TRAM1: variants seen among roughly 807,000 people sequenced by gnomAD.
The protein encoded by TRAM1 is translocating chain-associated membrane protein 1.
In TRAM1, 17 loss-of-function variants were observed where a neutral mutation model predicts 48.7. The observed-to-expected ratio is 0.35, with a 90% CI of 0.24 to 0.52. The LOEUF (loss-of-function observed/expected upper bound fraction) is 0.52. Ranked by LOEUF, TRAM1 falls within the 20% of genes least tolerant of loss-of-function variation. The probability of loss-of-function intolerance (pLI) is 0.94; values close to 1 mark genes in which losing one functional copy is unlikely to be tolerated. For missense variants in TRAM1, 351 were observed against 441.5 expected (o/e 0.79, Z 1.84); for synonymous variants, 182 against 154.0 (o/e 1.18, Z -1.34).
chr8:70,595,034 C>G (rs546773820), intron 5 of TRAM1, among the ~76,000 whole-genome samples: 16 of 94,152 alleles, frequency 1.7e-4, no homozygotes, highest in Non-Finnish European at 3.0e-4. Flanking sequence ...TTCAAATATC[C>G]TCTGTTTTTT....
chr8:70,575,193 A>G (rs1389956893), intron 10 of TRAM1, among the ~76,000 whole-genome samples, 188 bp from the exon 11 acceptor site: 1 of 152,238 alleles, frequency 6.6e-6, no homozygotes, highest in Non-Finnish European at 1.5e-5. Flanking sequence ...AAAGTAGCAA[A>G]TTAAAAGAAA....
At chr8:70,595,322 A>T (rs1264771873) in intron 5 of TRAM1, among the ~76,000 whole-genome samples, 1 of 149,828 alleles carries the variant, frequency 6.7e-6, no homozygotes, top group Non-Finnish European at 1.5e-5. Context: ...CGGGGTGGAG[A>T]GAATACAGTC....
At chr8:70,590,138 A>C (rs1817319498) in intron 6 of TRAM1, among the ~76,000 whole-genome samples, 2 of 105,962 alleles carry the variant, frequency 1.9e-5, no homozygotes, top group South Asian at 4.9e-4. Context: ...GGGTAAGGCA[A>C]TGTAAAAAAA....
In TRAM1 at chr8:70,573,329, GA is replaced by G. The variant is rs1816859562; in HGVS notation, c.*1602del. ...CTGTTTATTTGCAGAACACAATTTT[GA>G]AAAGGGTTATTCTGAATGTCTATGA... On this transcript the variant is annotated 3_prime_UTR_variant, in exon 11 of 11. Transcript: ENST00000262213. 1.3e-5 allele frequency: 2 copies of G among 152,324 alleles called. No individual in the cohort carries two copies. Among genetic ancestry groups the G allele is most frequent in the African/African-American group, 4.8e-5 (2 of 41,420 alleles). 9.4% of individuals were successfully genotyped at this position (152,324 alleles called of 1,614,324 possible).
intron 6 of TRAM1, among the ~76,000 whole-genome samples, chr8:70,593,202 C>T (rs1468187734): frequency 1.3e-5 from 2 of 152,082 alleles, no homozygotes; most frequent in Admixed American, 1.3e-4. Context: ...GTGCTGTTTT[C>T]TAATCCTAGC....
At chr8:70,578,738 C>T (rs1817013486) in intron 10 of TRAM1, among the ~76,000 whole-genome samples, 1 of 152,234 alleles carries the variant, frequency 6.6e-6, no homozygotes, top group South Asian at 2.1e-4. Flanking sequence ...CTGCCCAACA[C>T]TTTCTTTACA....
intron 6 of TRAM1, among the ~76,000 whole-genome samples, chr8:70,591,146 T>C (rs529801248): frequency 3.3e-5 from 5 of 152,232 alleles, no homozygotes; most frequent in African/African-American, 1.2e-4. Flanking sequence ...ATGAGTTTTA[T>C]TTTATTTTTA....
chr8:70,600,789 CT>C (rs1817592152), intron 1 of TRAM1, among the ~76,000 whole-genome samples: 1 of 151,344 alleles, frequency 6.6e-6, no homozygotes, highest in South Asian at 2.1e-4. Flanking sequence ...AAACAATGAG[CT>C]TTGTTGGTTT....
At chr8:70,602,937 A>C (rs990534521) in intron 1 of TRAM1, among the ~76,000 whole-genome samples, 1 of 152,188 alleles carries the variant, frequency 6.6e-6, no homozygotes, top group Non-Finnish European at 1.5e-5. Context: ...GGAGGTGAAC[A>C]AAACGTAGGT....
chr8:70,603,712 A>G (rs1817659671), intron 1 of TRAM1, among the ~76,000 whole-genome samples: 1 of 152,184 alleles, frequency 6.6e-6, no homozygotes, highest in Non-Finnish European at 1.5e-5. Flanking sequence ...GTGAGGCTCC[A>G]TCTCAAAAAG....
chr8:70,591,470 G>C (rs1004180882), intron 6 of TRAM1, among the ~76,000 whole-genome samples: 31 of 152,230 alleles, frequency 2.0e-4, no homozygotes, highest in African/African-American at 7.5e-4. Flanking sequence ...ACATTTACAT[G>C]GGTTGTGGGG....
At chr8:70,583,622 A>C in intron 9 of TRAM1, 28 bp downstream of exon 9, 1 of 1,602,394 alleles carries the variant, frequency 6.2e-7, no homozygotes, top group Non-Finnish European at 8.5e-7. Context: ...AGCTGTATAA[A>C]GTGAAAAAAA....
intron 10 of TRAM1, among the ~76,000 whole-genome samples, chr8:70,580,847 T>C (rs1817060200): frequency 2.0e-5 from 3 of 151,744 alleles, no homozygotes; most frequent in South Asian, 4.2e-4. Flanking sequence ...ACAATGGCAA[T>C]GAAGAATCTG....
At chr8:70,588,926 C>A (rs985142014) in intron 6 of TRAM1, among the ~76,000 whole-genome samples, 1 of 152,234 alleles carries the variant, frequency 6.6e-6, no homozygotes, top group African/African-American at 2.4e-5. Context: ...TTGCTGCTGG[C>A]AGGCTGAACT....
Position 70,598,026 on chromosome 8 carries a change from A to G in TRAM1, c.310-15T>C, listed in dbSNP as rs749862023. The stretch of plus-strand genomic sequence containing the variant: ...CTGTTAATTTTCTAAAAATAAAAAC[A>G]GCCATTAGTAATTAAGAATAAATTA... On this transcript the variant is annotated splice_polypyrimidine_tract_variant and intron_variant, in intron 3 of 10. Transcript: ENST00000262213. The G allele has an allele frequency of 1.3e-6, 2 of 1,556,940 alleles. No individual in the cohort carries two copies. Among genetic ancestry groups the G allele is most frequent in the Non-Finnish European group, 8.7e-7 (1 of 1,148,530 alleles).
In TRAM1 at chr8:70,608,132, T is replaced by C; in HGVS notation, c.68A>G (p.His23Arg). The C allele has an allele frequency of 6.3e-7, 1 of 1,599,890 alleles. No individual in the cohort carries two copies. The part of the protein sequence containing the change: ...VLSHEFVLQN[H>R]ADIVSCVAMV... ...CGCCACACAGGAGACGATGTCCGCG[T>C]GATTCTGCAGGACGAATTCGTGGCT... Residue 23 changes from histidine to arginine, a missense_variant, in exon 1 of 11, where the codon CAC (histidine) becomes CGC (arginine). Coordinates refer to ENST00000262213, the MANE Select transcript of TRAM1 (RefSeq NM_014294.6).
rs1229227148 is a variant in TRAM1 at position 70,574,832 on chromosome 8, G to A, written c.*100C>T. 3.5e-6 allele frequency: 3 copies of A among 861,236 alleles called. No individual in the cohort carries two copies. Among genetic ancestry groups the A allele is most frequent in the Admixed American group, 4.9e-5 (2 of 41,028 alleles). 53.3% of individuals were successfully genotyped at this position (861,236 alleles called of 1,614,324 possible). On this transcript the variant is annotated 3_prime_UTR_variant, in exon 11 of 11. Transcript: ENST00000262213. ...ACCGTACAATAGCAAAAATCAAAGA[G>A]CACAGACTGTATTTTCAAGAACAGA... is the stretch of plus-strand genomic sequence containing the variant.
intron 8 of TRAM1, among the ~76,000 whole-genome samples, chr8:70,586,311 T>C: frequency 6.9e-6 from 1 of 145,378 alleles, no homozygotes; most frequent in Non-Finnish European, 1.5e-5. Flanking sequence ...TTAGGAGATA[T>C]ACCTAATGCT....
intron 5 of TRAM1, among the ~76,000 whole-genome samples, chr8:70,595,360 C>T (rs1334662406): frequency 5.3e-5 from 8 of 151,866 alleles, no homozygotes; most frequent in Non-Finnish European, 8.8e-5. Flanking sequence ...TTACAAAGTT[C>T]GTTGAACTAA....
Sources: gnomAD v4.1 joint callset for allele counts (sites outside exome capture counted in the v4.1 genomes callset) on GRCh38, gnomAD v4.1.1 for gene constraint, MANE v1.5 for transcripts, NCBI Gene and HGNC (gene_info 2026-07-23, HGNC 2026-07-21) for gene names.